LINGO2: variants seen among roughly 807,000 people sequenced by gnomAD.
LINGO2 encodes the protein leucine rich repeat and Ig domain containing 2, also known as leucine-rich repeat and immunoglobulin-like domain-containing nogo receptor-interacting protein 2.
LINGO2 carries 14 observed loss-of-function variants against 30.6 expected under a neutral mutation model. The observed-to-expected ratio is 0.46, with a 90% confidence interval of 0.30 to 0.72. The LOEUF is 0.72. Ranked by LOEUF, LINGO2 falls within the 30% of genes least tolerant of loss-of-function variation. LINGO2 has a pLI of 0.07. For missense variants in LINGO2, 729 were observed against 751.7 expected (o/e 0.97, Z 0.35); for synonymous variants, 317 against 288.5 (o/e 1.10, Z -1.00).
chr9:28,894,088 C>T, the LINGO2 span, among the ~76,000 whole-genome samples: 2 of 152,004 alleles, frequency 1.3e-5, no homozygotes, highest in Non-Finnish European at 1.5e-5. Flanking sequence ...AACTCATCAT[C>T]TTTTATGGTT....
chr9:28,147,676 C>T lies in LINGO2; in HGVS notation c.-86-135271G>A, dbSNP rs9298893. On this transcript the variant is annotated intron_variant, in intron 4 of 5. Transcript: ENST00000379992. This position sits in a 1 kb window ranked among gnomAD's most constrained non-coding sequence, Gnocchi z 4.7. ...TGGAAGGGCTCTGGCGGATCAGCCCCGCACCCCCAACAGCCCCACGGGGGG... is the reference window on the plus strand; with the variant it reads ...TGGAAGGGCTCTGGCGGATCAGCCCTGCACCCCCAACAGCCCCACGGGGGG... Among the ~76,000 whole-genome samples, 12,771 of 152,156 alleles carry T rather than the reference C, an allele frequency of 0.084. 614 individuals are homozygous for T. The highest frequency in any genetic ancestry group is 0.2 in the East Asian group (996 of 5,094).
At chr9:28,451,319 G>C (rs1163342155) in intron 2 of LINGO2, among the ~76,000 whole-genome samples, 2 of 151,924 alleles carry the variant, frequency 1.3e-5, no homozygotes, top group Non-Finnish European at 3.0e-5. Context: ...AGAGAGAAGA[G>C]AAATGGCAGT....
intron 4 of LINGO2, among the ~76,000 whole-genome samples, chr9:28,268,376 C>A (rs759466713): frequency 6.6e-6 from 1 of 152,032 alleles, no homozygotes; most frequent in African/African-American, 2.4e-5. Flanking sequence ...CACTCAGGGT[C>A]ATGCAGAAGA....
At chr9:28,273,439 A>C (rs1823011737) in intron 4 of LINGO2, among the ~76,000 whole-genome samples, 1 of 152,204 alleles carries the variant, frequency 6.6e-6, no homozygotes, top group Non-Finnish European at 1.5e-5. Flanking sequence ...GCTTTCACTC[A>C]GGGAAAATGG....
chr9:29,175,608 C>T, the LINGO2 span, among the ~76,000 whole-genome samples: 2 of 149,216 alleles, frequency 1.3e-5, no homozygotes, highest in Non-Finnish European at 1.5e-5. Context: ...CTCACTGCAA[C>T]CTCCACGTCC....
intron 2 of LINGO2, among the ~76,000 whole-genome samples, chr9:28,454,572 T>G (rs530290232): frequency 6.6e-6 from 1 of 152,036 alleles, no homozygotes; most frequent in Non-Finnish European, 1.5e-5. Context: ...TTAGGATACA[T>G]ACATATACAT....
At chr9:28,374,034 A>G (rs1399056225) in intron 2 of LINGO2, among the ~76,000 whole-genome samples, 12 of 152,096 alleles carry the variant, frequency 7.9e-5, no homozygotes, top group Non-Finnish European at 1.8e-4. Flanking sequence ...GTGAATCACA[A>G]AGGTTTCTCC....
the LINGO2 span, among the ~76,000 whole-genome samples, chr9:28,944,704 C>T: frequency 6.6e-6 from 1 of 152,152 alleles, no homozygotes; most frequent in Non-Finnish European, 1.5e-5. Flanking sequence ...CCACACCTGG[C>T]CGCTTTTGTT....
chr9:28,441,977 C>T (rs562465429), intron 2 of LINGO2, among the ~76,000 whole-genome samples: 4 of 152,122 alleles, frequency 2.6e-5, no homozygotes, highest in South Asian at 2.1e-4. Flanking sequence ...AAATGTATAT[C>T]GATTCAATCT....
intron 1 of LINGO2, among the ~76,000 whole-genome samples, chr9:28,641,384 A>G (rs1827570210): frequency 6.6e-6 from 1 of 152,068 alleles, no homozygotes; most frequent in African/African-American, 2.4e-5. Flanking sequence ...GCACTGAAAT[A>G]ATACTAAATT....
At chr9:29,160,359 G>GT in the LINGO2 span, among the ~76,000 whole-genome samples, 1 of 152,184 alleles carries the variant, frequency 6.6e-6, no homozygotes, top group African/African-American at 2.4e-5. Context: ...TTTACTAGCT[G>GT]TGGCAAGTTA....
chr9:28,318,032 A>G (rs1229001855), intron 3 of LINGO2, among the ~76,000 whole-genome samples: 1 of 152,178 alleles, frequency 6.6e-6, no homozygotes, highest in Non-Finnish European at 1.5e-5. Context: ...CTGCAGCCAT[A>G]CAAGAAGCAA....
chr9:28,597,404 G>A (rs182860432), intron 1 of LINGO2, among the ~76,000 whole-genome samples: 2 of 152,278 alleles, frequency 1.3e-5, no homozygotes, highest in East Asian at 3.9e-4. Flanking sequence ...AAAGATTACA[G>A]CTTAGTGATC....
At chr9:28,105,923 T>C (rs1826577079) in intron 4 of LINGO2, among the ~76,000 whole-genome samples, 1 of 152,052 alleles carries the variant, frequency 6.6e-6, no homozygotes, top group South Asian at 2.1e-4. Context: ...GGGTCCCCAG[T>C]ACCCAAGTCA....
At chr9:28,733,278 T>G in the LINGO2 span, among the ~76,000 whole-genome samples, 5 of 152,154 alleles carry the variant, frequency 3.3e-5, no homozygotes, top group Non-Finnish European at 7.4e-5. Context: ...TCCTTATGTC[T>G]TTGTTTATCT....
At chr9:28,001,964 T>G (rs190663002) in intron 5 of LINGO2, among the ~76,000 whole-genome samples, 131 of 152,354 alleles carry the variant, frequency 8.6e-4, no homozygotes, top group African/African-American at 3.1e-3. Context: ...CAGTTGAAAA[T>G]TAAAATTTAT....
At chr9:28,877,710 G>C in the LINGO2 span, among the ~76,000 whole-genome samples, 3 of 152,194 alleles carry the variant, frequency 2.0e-5, no homozygotes, top group East Asian at 5.8e-4. Flanking sequence ...TGTTCTTTTG[G>C]CTTAGGATTG....
intron 4 of LINGO2, among the ~76,000 whole-genome samples, chr9:28,043,414 TGTA>T (rs1162132879): frequency 1.1e-4 from 16 of 152,234 alleles, no homozygotes; most frequent in African/African-American, 3.4e-4. Flanking sequence ...ATCTGACAAG[TGTA>T]GTATGTAGAA....
chr9:28,334,276 A>C (rs925018681), intron 3 of LINGO2, among the ~76,000 whole-genome samples: 2 of 152,182 alleles, frequency 1.3e-5, no homozygotes, highest in Non-Finnish European at 2.9e-5. Flanking sequence ...ACGAAACTCT[A>C]TTTGTAAATC....
Sources: gnomAD v4.1 joint callset for allele counts (sites outside exome capture counted in the v4.1 genomes callset) on GRCh38, gnomAD v4.1.1 for gene constraint, Gnocchi (gnomAD v3.1) non-coding constraint, MANE v1.5 for transcripts, NCBI Gene and HGNC (gene_info 2026-07-23, HGNC 2026-07-21) for gene names.